The following NT5DC1 variants were observed in gnomAD, a reference collection of about 807,000 sequenced individuals.
NT5DC1 encodes the protein 5'-nucleotidase domain containing 1.
In NT5DC1, 42 loss-of-function variants were observed where a neutral mutation model predicts 59.4. The observed-to-expected ratio is 0.71, with a 90% CI of 0.55 to 0.92. The LOEUF is 0.92. NT5DC1 is among the 40% of genes least tolerant of loss of function. The pLI is 0.00. For synonymous variants in NT5DC1, 172 were observed against 188.1 expected, an observed-to-expected ratio of 0.91 and a Z score of 0.70; for missense variants, 501 against 537.1, an observed-to-expected ratio of 0.93 and a Z score of 0.66.
intron 6 of NT5DC1, among the ~76,000 whole-genome samples, chr6:116,183,286 A>G (rs910231908): frequency 4.6e-5 from 7 of 152,172 alleles, no homozygotes; most frequent in Admixed American, 3.3e-4. Flanking sequence ...GCCTTATAGT[A>G]TAGTTCAAAG....
chr6:116,155,246 TTA>T lies in NT5DC1; in HGVS notation c.529+37306_529+37307del, dbSNP rs895779644. Reference sequence around the variant, plus strand: ...AGACAACTGTCGTGATGGTTACATGTTATATAGTTTCCTAATGTCTCCAGACT... The same window carrying T: ...AGACAACTGTCGTGATGGTTACATGTTATAGTTTCCTAATGTCTCCAGACT... On this transcript the variant is annotated intron_variant, in intron 6 of 11. Transcript: ENST00000319550. Among the ~76,000 whole-genome samples the T allele has an allele frequency of 1.4e-3, 214 of 152,294 alleles. 1 individual carries two copies. The highest frequency in any genetic ancestry group is 4.9e-3 in the African/African-American group (204 of 41,580).
intron 6 of NT5DC1, among the ~76,000 whole-genome samples, chr6:116,183,442 A>G (rs935362343): frequency 5.3e-5 from 8 of 152,008 alleles, no homozygotes; most frequent in Non-Finnish European, 1.2e-4. Context: ...AATGGCATTG[A>G]ATCTGTATAT....
chr6:116,241,935 AAAACAAAAC>A (rs1194964516), intron 11 of NT5DC1, among the ~76,000 whole-genome samples: 4,865 of 25,232 alleles, frequency 0.19, 716 homozygotes, highest in South Asian at 0.36. Flanking sequence ...AAAAAAAAAA[AAAACAAAAC>A]AAAAAAAAAA....
chr6:116,120,768 T>A (rs766095631), intron 6 of NT5DC1: 1 of 1,612,852 alleles, frequency 6.2e-7, no homozygotes, highest in South Asian at 1.1e-5. Context: ...GGGCCTCTAG[T>A]ACCTGGTATT....
rs1424644336 is a variant in NT5DC1 at position 116,110,087 on chromosome 6, A to G, written c.258-763A>G. Among the ~76,000 whole-genome samples, 3 of 152,204 alleles carry G rather than the reference A, an allele frequency of 2.0e-5. No homozygotes were observed. The East Asian group carries it at 5.8e-4, about 29-fold the overall frequency. On this transcript the variant is annotated intron_variant, in intron 3 of 11. Transcript: ENST00000319550. ...TAGAACTCAGAATGCTATGCAGTTTAAAACTTACGAATTGTTTGTTTCTGG... is the reference window on the plus strand; with the variant it reads ...TAGAACTCAGAATGCTATGCAGTTTGAAACTTACGAATTGTTTGTTTCTGG...
intron 6 of NT5DC1, among the ~76,000 whole-genome samples, chr6:116,138,397 T>C (rs959320524): frequency 7.9e-5 from 12 of 152,170 alleles, no homozygotes; most frequent in African/African-American, 2.9e-4. Flanking sequence ...CTTGTTAAGA[T>C]TTGTGTGAAA....
chr6:116,232,525 G>GA (rs11334770), intron 8 of NT5DC1, among the ~76,000 whole-genome samples: 1 of 151,420 alleles, frequency 6.6e-6, no homozygotes, highest in Admixed American at 6.6e-5. Flanking sequence ...TACTGATTCA[G>GA]AAAAAAATCT....
intron 11 of NT5DC1, among the ~76,000 whole-genome samples, chr6:116,242,145 CG>C (rs1452865656): frequency 6.7e-6 from 1 of 150,202 alleles, no homozygotes; most frequent in African/African-American, 2.4e-5. Flanking sequence ...CGGAGGCGGG[CG>C]GATCACGAGG....
At chr6:116,206,165 T>G (rs557576830) in intron 6 of NT5DC1, among the ~76,000 whole-genome samples, 1 of 152,152 alleles carries the variant, frequency 6.6e-6, no homozygotes, top group South Asian at 2.1e-4. Flanking sequence ...TCTTGCATTT[T>G]GGGCCCATGC....
chr6:116,140,932 T>C (rs1055852543), intron 6 of NT5DC1, among the ~76,000 whole-genome samples: 2 of 152,180 alleles, frequency 1.3e-5, no homozygotes, highest in African/African-American at 4.8e-5. Context: ...TTCTTGTACA[T>C]GTTTCCTGGC....
chr6:116,226,075 T>C (rs993672548), intron 8 of NT5DC1, among the ~76,000 whole-genome samples: 7 of 152,200 alleles, frequency 4.6e-5, no homozygotes, highest in African/African-American at 1.7e-4. Flanking sequence ...AATAGGTTGA[T>C]GTTGTTTTTA....
At chr6:116,198,182 C>A (rs1321534637) in intron 6 of NT5DC1, among the ~76,000 whole-genome samples, 1 of 152,066 alleles carries the variant, frequency 6.6e-6, no homozygotes, top group Admixed American at 6.5e-5. Context: ...AAATTGAGGT[C>A]ACTGAGTAGT....
intron 6 of NT5DC1, chr6:116,120,584 CCAG>C: frequency 4.4e-6 from 7 of 1,592,802 alleles, no homozygotes; most frequent in Non-Finnish European, 4.3e-6. Context: ...GCCTGGAGGC[CCAG>C]GGGGCCCTGG....
intron 6 of NT5DC1, among the ~76,000 whole-genome samples, chr6:116,193,689 CTTTAAT>C (rs2114496482): frequency 6.6e-6 from 1 of 152,152 alleles, no homozygotes; most frequent in Non-Finnish European, 1.5e-5. Flanking sequence ...TCAAAGCGTG[CTTTAAT>C]TTTAACTCTG....
chr6:116,168,384 T>C (rs1582848878), intron 6 of NT5DC1, among the ~76,000 whole-genome samples: 2 of 152,118 alleles, frequency 1.3e-5, no homozygotes, highest in East Asian at 1.9e-4. Flanking sequence ...TATAAACCTA[T>C]CCATTGAGCT....
chr6:116,207,588 A>G (rs1207161558), intron 6 of NT5DC1, among the ~76,000 whole-genome samples: 4 of 151,964 alleles, frequency 2.6e-5, no homozygotes, highest in Non-Finnish European at 5.9e-5. Context: ...ATTCTAAAAA[A>G]TACCCAAAAT....
chr6:116,217,125 G>A (rs1369585798), intron 6 of NT5DC1, among the ~76,000 whole-genome samples: 1 of 152,032 alleles, frequency 6.6e-6, no homozygotes, highest in Non-Finnish European at 1.5e-5. Context: ...TAGTGATGTG[G>A]CACAATTGTC....
intron 6 of NT5DC1, among the ~76,000 whole-genome samples, chr6:116,215,820 T>C (rs1475512997): frequency 6.6e-6 from 1 of 152,144 alleles, no homozygotes; most frequent in Non-Finnish European, 1.5e-5. Context: ...ACATATGTAA[T>C]ACTGTCCAAG....
chr6:116,107,032 A>T (rs1452296178), intron 2 of NT5DC1, among the ~76,000 whole-genome samples: 1 of 151,750 alleles, frequency 6.6e-6, no homozygotes, highest in Non-Finnish European at 1.5e-5. Flanking sequence ...CTCTGCAAAA[A>T]ATAAAAAATA....
Sources: allele counts gnomAD v4.1 joint callset (sites outside exome capture counted in the v4.1 genomes callset), GRCh38; gene constraint gnomAD v4.1.1; transcripts MANE v1.5; gene names NCBI Gene and HGNC (gene_info 2026-07-23, HGNC 2026-07-21).